The following ASIC5 variants were observed in gnomAD, a reference collection of about 807,000 sequenced individuals.
ASIC5 encodes bile acid-sensitive ion channel.
ASIC5 carries 52 observed loss-of-function variants against 51.2 expected under a neutral mutation model. The ratio of observed to expected loss-of-function variants is 1.02; its 90% CI spans 0.81 to 1.28. The LOEUF (loss-of-function observed/expected upper bound fraction) is 1.28. Ranked by LOEUF, ASIC5 falls within the 50% of genes most tolerant of loss-of-function variation. The pLI is 0.00. For synonymous variants in ASIC5, 231 were observed against 200.7 expected, an observed-to-expected ratio of 1.15 and a Z score of -1.28; for missense variants, 635 against 595.0, an observed-to-expected ratio of 1.07 and a Z score of -0.70.
chr4:155,855,608 A>G (rs1361067262), intron 2 of ASIC5, among the ~76,000 whole-genome samples: 1 of 151,620 alleles, frequency 6.6e-6, no homozygotes, highest in Non-Finnish European at 1.5e-5. Flanking sequence ...CTTGGTAAGT[A>G]TATGGTGTAT....
chr4:155,863,732 A>G lies in ASIC5; in HGVS notation c.63T>C (p.Leu21=), dbSNP rs770139719. The G allele has an allele frequency of 9.3e-6, 15 of 1,613,236 alleles. No homozygotes were observed. The highest frequency in any genetic ancestry group is 8.3e-5 in the Admixed American group (5 of 59,918). ...AENGLLEKIK[L]CLSKKPLPSP... ...ATGGCAGTGGTTTCTTTGAAAGGCA[A>G]AGCTTTATCTTTTCTAAGAGTCCTT... Residue 21 remains leucine, a synonymous_variant, in exon 2 of 10, where the codon CTT becomes CTC. Transcript: ENST00000537611.
Position 155,836,790 on chromosome 4 carries a change from T to C in ASIC5, c.1134A>G (p.Glu378=). The C allele has an allele frequency of 1.9e-6, 3 of 1,608,268 alleles. No homozygotes were observed. The highest frequency in any genetic ancestry group is 2.6e-6 in the Non-Finnish European group (3 of 1,174,766). Residue 378 remains glutamate, a synonymous_variant, in exon 8 of 10, where the codon GAA becomes GAG. Transcript: ENST00000537611. The part of the protein sequence containing the change: ...THNSSCPVSC[E]EIEYPATISY... ...AAATAGTGGCCGGGTATTCTATTTC[T>C]TCACAAGAAACGGGGCAGCTAGAGT...
chr4:155,851,255 A>G (rs905456927), intron 4 of ASIC5, among the ~76,000 whole-genome samples: 3 of 152,048 alleles, frequency 2.0e-5, no homozygotes, highest in Non-Finnish European at 4.4e-5. Flanking sequence ...ATACATTACA[A>G]GTATATGTAG....
chr4:155,843,537 A>G, intron 5 of ASIC5, 144 bp downstream of exon 5: 4 of 879,072 alleles, frequency 4.6e-6, no homozygotes, highest in Non-Finnish European at 5.2e-6. Flanking sequence ...ACCTTCAGAT[A>G]AAGGAAAATA....
At chr4:155,843,894 G>A in intron 4 of ASIC5, 64 bp from the exon 5 acceptor site, 1 of 1,508,950 alleles carries the variant, frequency 6.6e-7, no homozygotes, top group Admixed American at 1.7e-5. Flanking sequence ...AACAAGTTTA[G>A]GATTTAGTTT....
chr4:155,857,194 G>T (rs900388725), intron 2 of ASIC5, among the ~76,000 whole-genome samples: 5 of 152,002 alleles, frequency 3.3e-5, no homozygotes, highest in Non-Finnish European at 5.9e-5. Flanking sequence ...CACAAACATG[G>T]TTCATTGCAG....
intron 4 of ASIC5, among the ~76,000 whole-genome samples, chr4:155,845,292 A>ATGTG (rs762801020): frequency 1.4e-4 from 21 of 150,974 alleles, no homozygotes; most frequent in African/African-American, 4.4e-4. Context: ...AACATCCAAG[A>ATGTG]TGTGTGTGTG....
intron 8 of ASIC5, among the ~76,000 whole-genome samples, chr4:155,832,541 G>A (rs1053517327): frequency 1.3e-4 from 20 of 152,042 alleles, no homozygotes; most frequent in African/African-American, 4.3e-4. Flanking sequence ...CTCGTTACAC[G>A]GTCTTGAAAG....
At position 155,852,185 on chromosome 4, in the gene ASIC5, C is replaced by T. The variant is rs767526923; in HGVS notation, c.711+6G>A. On this transcript the variant is annotated splice_donor_region_variant and intron_variant, in intron 4 of 9. Transcript: ENST00000537611. ...GTTTGTCTTGAACCTGGAGAAAATT[C>T]AGTACCTGATTCACATTGAAGAGTA... The T allele has an allele frequency of 7.4e-6, 12 of 1,611,904 alleles. No individual in the cohort carries two copies. Among genetic ancestry groups the T allele is most frequent in the Non-Finnish European group, 1.0e-5 (12 of 1,178,650 alleles).
At position 155,863,693 on chromosome 4, in the gene ASIC5, T is replaced by C; in HGVS notation, c.102A>G (p.Arg34=). ...SKKPLPSPTE[R]KKFDHDFAIS... is the part of the protein sequence containing the mutation. ...TGGCAAAGTCATGGTCAAACTTCTT[T>C]CGCTCAGTGGGAGATGGCAGTGGTT... The change falls in exon 2 of 10, where the codon CGA becomes CGG. Residue 34 remains arginine (R), a synonymous_variant. Coordinates refer to ENST00000537611, the MANE Select transcript of ASIC5 (RefSeq NM_017419.3). 1 of 1,613,976 alleles carries C rather than the reference T, an allele frequency of 6.2e-7. No individual in the cohort carries two copies. Among genetic ancestry groups the C allele is most frequent in the Non-Finnish European group, 8.5e-7 (1 of 1,179,898 alleles).
chr4:155,831,939 T>C (rs1368799188), intron 8 of ASIC5, 24 bp from the exon 9 acceptor site: 1 of 1,252,342 alleles, frequency 8.0e-7, no homozygotes, highest in African/African-American at 1.5e-5. Context: ...AGAGAGTTAA[T>C]ATAGCTTAAG....
At chr4:155,866,067 G>T in intron 1 of ASIC5, 120 bp downstream of exon 1, 1 of 580,840 alleles carries the variant, frequency 1.7e-6, no homozygotes, top group Non-Finnish European at 3.0e-6. Context: ...TACTTATATT[G>T]TGTTCAAGTA....
intron 6 of ASIC5, among the ~76,000 whole-genome samples, chr4:155,841,161 C>T (rs1231963725): frequency 6.6e-6 from 1 of 152,106 alleles, no homozygotes; most frequent in Non-Finnish European, 1.5e-5. Context: ...TATTGCAATT[C>T]CTTTGTCTTG....
Position 155,830,041 on chromosome 4 carries a change from G to A in ASIC5, c.1333C>T (p.Leu445Phe), listed in dbSNP as rs1388900713. 6.5e-7 allele frequency: 1 copy of A among 1,537,712 alleles called. No homozygotes were observed. Residue 445 changes from leucine to phenylalanine, a missense_variant, in exon 10 of 10, where the codon CTT (leucine) becomes TTT (phenylalanine). Physicochemically the swap from Leu to Phe is conservative, Grantham distance 22. Transcript: ENST00000537611. ...CAAAATAGACCCAGCTGACCACCAA[G>A]ATCTGCTGTAATAAAACCAATAAAG... is the stretch of plus-strand genomic sequence containing the variant. ...AVSVSELLAD[L>F]GGQLGLFCGA...
chr4:155,865,989 CT>C (rs1741852550), intron 1 of ASIC5, among the ~76,000 whole-genome samples, 197 bp downstream of exon 1: 4 of 152,114 alleles, frequency 2.6e-5, no homozygotes, highest in South Asian at 2.1e-4. Flanking sequence ...TATTTTAAAA[CT>C]ATTTTTGAGT....
intron 2 of ASIC5, among the ~76,000 whole-genome samples, chr4:155,861,509 A>G (rs116293903): frequency 0.016 from 2,486 of 152,066 alleles, 56 homozygotes; most frequent in African/African-American, 0.056. Context: ...AGCTTTCTGA[A>G]GGTTGACATA....
At chr4:155,836,479 C>G (rs7677211) in intron 8 of ASIC5, among the ~76,000 whole-genome samples, 15,346 of 152,124 alleles carry the variant, frequency 0.1, 1,244 homozygotes, top group African/African-American at 0.22. Context: ...AAGCAAGCAT[C>G]ATTTTCCTTT....
At chr4:155,863,383 C>A in intron 2 of ASIC5, 65 bp downstream of exon 2, 17 of 1,257,148 alleles carry the variant, frequency 1.4e-5, no homozygotes, top group South Asian at 3.0e-5. Flanking sequence ...CTTTGTCAGT[C>A]ATCCAAGAAA....
chr4:155,833,156 G>T (rs1006654953), intron 8 of ASIC5, among the ~76,000 whole-genome samples: 5 of 152,080 alleles, frequency 3.3e-5, no homozygotes, highest in Non-Finnish European at 5.9e-5. Context: ...CAAATAATAG[G>T]TTGTCCCTTA....
Sources: allele counts gnomAD v4.1 joint callset (sites outside exome capture counted in the v4.1 genomes callset), GRCh38; gene constraint gnomAD v4.1.1; transcripts MANE v1.5; gene names NCBI Gene and HGNC (gene_info 2026-07-23, HGNC 2026-07-21).